The following PTPRJ variants were observed in gnomAD, a reference collection of about 807,000 sequenced individuals.
PTPRJ encodes receptor-type tyrosine-protein phosphatase eta.
PTPRJ carries 129 observed loss-of-function variants against 141.3 expected under a neutral mutation model. The ratio of observed to expected loss-of-function variants is 0.91; its 90% CI spans 0.79 to 1.06. The LOEUF (loss-of-function observed/expected upper bound fraction) is 1.06, where lower values mean the gene tolerates loss of function less well. PTPRJ is among the 50% of genes least tolerant of loss of function. PTPRJ has a pLI of 0.00. For missense variants in PTPRJ, 1,601 were observed against 1,679.7 expected (o/e 0.95, Z 0.82); for synonymous variants, 610 against 640.5 (o/e 0.95, Z 0.72).
chr11:48,148,721 C>T (rs1450439482), intron 15 of PTPRJ, among the ~76,000 whole-genome samples: 2 of 152,164 alleles, frequency 1.3e-5, no homozygotes, highest in Non-Finnish European at 2.9e-5. Context: ...AGGCATCAGC[C>T]ACCGTGCCTG....
At chr11:48,145,725 A>T (rs1007133892) in intron 14 of PTPRJ, among the ~76,000 whole-genome samples, 1 of 151,670 alleles carries the variant, frequency 6.6e-6, no homozygotes, top group African/African-American at 2.4e-5. Context: ...TGCCCAGCTA[A>T]TTTTTGTATT....
chr11:48,128,574 A>G (rs892107336), intron 7 of PTPRJ, among the ~76,000 whole-genome samples: 1 of 152,228 alleles, frequency 6.6e-6, no homozygotes, highest in African/African-American at 2.4e-5. Flanking sequence ...TAAAACAGTA[A>G]TGGTGCACTA....
chr11:48,029,972 G>A (rs1487317556), intron 1 of PTPRJ, among the ~76,000 whole-genome samples: 2 of 152,150 alleles, frequency 1.3e-5, no homozygotes, highest in African/African-American at 2.4e-5. Context: ...GAGTGCCTCC[G>A]GTAAGACAGG....
chr11:48,144,562 G>A (rs928882189), intron 12 of PTPRJ, 113 bp from the exon 13 acceptor site: 26 of 822,388 alleles, frequency 3.2e-5, no homozygotes, highest in African/African-American at 1.2e-4. Flanking sequence ...AGAGATACTT[G>A]AGAGATGGTT....
intron 14 of PTPRJ, among the ~76,000 whole-genome samples, chr11:48,146,356 T>TA (rs1857350454): frequency 6.6e-6 from 1 of 152,152 alleles, no homozygotes; most frequent in South Asian, 2.1e-4. Context: ...GCTGGTTTGT[T>TA]AGTTTGTCTG....
intron 1 of PTPRJ, among the ~76,000 whole-genome samples, chr11:47,990,359 G>A (rs559839954): frequency 3.9e-5 from 6 of 152,290 alleles, no homozygotes; most frequent in Admixed American, 2.6e-4. Flanking sequence ...TGAAGAGTTA[G>A]GGCAAAGACC....
At chr11:48,118,674 C>T (rs1397399035) in intron 3 of PTPRJ, among the ~76,000 whole-genome samples, 1 of 152,136 alleles carries the variant, frequency 6.6e-6, no homozygotes, top group Non-Finnish European at 1.5e-5. Flanking sequence ...TGTGCTACAC[C>T]ATATTAACAG....
At chr11:48,119,018 CAA>C (rs59349969) in intron 3 of PTPRJ, among the ~76,000 whole-genome samples, 88 of 87,060 alleles carry the variant, frequency 1.0e-3, no homozygotes, top group Admixed American at 3.9e-3. Flanking sequence ...GACTTCGTCT[CAA>C]AAAAAAAAAA....
chr11:48,148,509 C>G (rs1436744029), intron 15 of PTPRJ, among the ~76,000 whole-genome samples: 3 of 151,922 alleles, frequency 2.0e-5, no homozygotes, highest in South Asian at 2.1e-4. Flanking sequence ...GTGGTCTTGG[C>G]TCACTGCAAC....
intron 1 of PTPRJ, among the ~76,000 whole-genome samples, chr11:48,075,599 G>T (rs1910365): frequency 0.098 from 14,778 of 151,156 alleles, 1,060 homozygotes; most frequent in African/African-American, 0.21. Flanking sequence ...AATTTTTTTT[G>T]TGTGTGTGTG....
intron 1 of PTPRJ, among the ~76,000 whole-genome samples, chr11:48,072,951 G>A (rs909343632): frequency 3.9e-5 from 6 of 152,190 alleles, no homozygotes; most frequent in Non-Finnish European, 7.3e-5. Context: ...TAAAAAAATA[G>A]ATAATAGTAT....
At chr11:47,992,089 G>A (rs1216870849) in intron 1 of PTPRJ, among the ~76,000 whole-genome samples, 3 of 152,206 alleles carry the variant, frequency 2.0e-5, no homozygotes, top group East Asian at 1.9e-4. Flanking sequence ...ATGACTCAGA[G>A]TGGCTGTAAT....
Position 48,168,608 on chromosome 11 carries a change from C to G in PTPRJ, c.*1246C>G, listed in dbSNP as rs1857982556. 1 of 115,490 alleles carries G rather than the reference C, an allele frequency of 8.7e-6. No individual in the cohort carries two copies. The highest frequency in any genetic ancestry group is 1.7e-5 in the Non-Finnish European group (1 of 59,080). The allele number at this position is 115,490 out of a possible 1,614,324, so 7.2% of individuals were successfully genotyped here. A position where few individuals can be genotyped will look rare whatever the true frequency, so the allele number is the denominator to read the frequency against. Reference sequence around the variant, plus strand: ...CACTAAGCTCTCAAAAACAGTCATTCCTATGAATTGAGGTGTACAAAGTTT... The same window carrying G: ...CACTAAGCTCTCAAAAACAGTCATTGCTATGAATTGAGGTGTACAAAGTTT... On this transcript the variant is annotated 3_prime_UTR_variant, in exon 25 of 25. Coordinates refer to ENST00000418331, the MANE Select transcript of PTPRJ (RefSeq NM_002843.4).
At chr11:48,052,540 C>A (rs1854600900) in intron 1 of PTPRJ, among the ~76,000 whole-genome samples, 1 of 152,120 alleles carries the variant, frequency 6.6e-6, no homozygotes, top group Non-Finnish European at 1.5e-5. Context: ...AAGGCTTTTG[C>A]TCTCTGGGTG....
chr11:48,132,518 A>G (rs1857006368), intron 8 of PTPRJ: 1 of 982,160 alleles, frequency 1.0e-6, no homozygotes, highest in Non-Finnish European at 1.2e-6. Context: ...AAAAACATAC[A>G]GTCTTCCTTG....
chr11:48,080,423 G>A (rs1855528035), intron 1 of PTPRJ, among the ~76,000 whole-genome samples: 2 of 152,090 alleles, frequency 1.3e-5, no homozygotes, highest in Admixed American at 6.6e-5. Flanking sequence ...GCCTGTGATC[G>A]GGTAACTCAA....
chr11:48,051,375 G>A (rs1854566124), intron 1 of PTPRJ, among the ~76,000 whole-genome samples: 2 of 152,282 alleles, frequency 1.3e-5, no homozygotes, highest in South Asian at 2.1e-4. Flanking sequence ...CATTACAGGC[G>A]TGAGCCATTG....
At chr11:48,046,910 A>T (rs201849465) in intron 1 of PTPRJ, among the ~76,000 whole-genome samples, 204 of 87,034 alleles carry the variant, frequency 2.3e-3, no homozygotes, top group African/African-American at 0.012. Flanking sequence ...ATATATATAT[A>T]TATTTTTTTT....
At chr11:48,108,733 G>T (rs1424831876) in intron 1 of PTPRJ, among the ~76,000 whole-genome samples, 1 of 152,182 alleles carries the variant, frequency 6.6e-6, no homozygotes, top group East Asian at 1.9e-4. Context: ...TAGATTAAAG[G>T]GCAGGGGCTG....
Sources: gnomAD v4.1 joint callset for allele counts (sites outside exome capture counted in the v4.1 genomes callset) on GRCh38, gnomAD v4.1.1 for gene constraint, MANE v1.5 for transcripts, NCBI Gene and HGNC (gene_info 2026-07-23, HGNC 2026-07-21) for gene names.